GRIK4: variants seen among roughly 807,000 people sequenced by gnomAD.
GRIK4 encodes the protein glutamate receptor ionotropic, kainate 4.
Under a neutral mutation model 104.9 loss-of-function variants are expected in GRIK4, and 40 were observed. That is an observed-to-expected ratio of 0.38 (90% confidence interval 0.30 to 0.50). The LOEUF is 0.50. Among genes scored for constraint, GRIK4 ranks in the 20% least tolerant of loss-of-function variants. The pLI, the probability that GRIK4 is intolerant of heterozygous loss-of-function variation, is 0.93. For missense variants in GRIK4, 1,047 were observed against 1,308.1 expected, an observed-to-expected ratio of 0.80 and a Z score of 3.08; for synonymous variants, 485 against 524.9, an observed-to-expected ratio of 0.92 and a Z score of 1.04.
In GRIK4 at chr11:120,960,991, A is replaced by G. The variant is rs1444534121; in HGVS notation, c.1957A>G (p.Ile653Val). Residue 653 changes from isoleucine to valine, a missense_variant, in exon 17 of 21, where the codon ATT becomes GTT. Physicochemically the swap from Ile to Val is conservative, Grantham distance 29. Coordinates refer to ENST00000527524, the MANE Select transcript of GRIK4 (RefSeq NM_014619.5). ...GACCGTGCAGCGCATGGATGTGCCCATTGAGTCAGTGGATGACCTGGCTGA... is the reference window on the plus strand; with the variant it reads ...GACCGTGCAGCGCATGGATGTGCCCGTTGAGTCAGTGGATGACCTGGCTGA... ...FLTVQRMDVP[I>V]ESVDDLADQT... 3 of 1,614,144 alleles carry G rather than the reference A, an allele frequency of 1.9e-6. No individual in the cohort carries two copies. The highest frequency in any genetic ancestry group is 3.3e-5 in the Admixed American group (2 of 60,008).
intron 1 of GRIK4, among the ~76,000 whole-genome samples, chr11:120,599,486 A>G (rs1948851894): frequency 1.3e-5 from 2 of 152,166 alleles, no homozygotes; most frequent in Admixed American, 1.3e-4. Flanking sequence ...TATCTGGGAG[A>G]TGAAGACCAG....
At chr11:120,659,075 A>G (rs1949768794) in intron 2 of GRIK4, among the ~76,000 whole-genome samples, 1 of 152,034 alleles carries the variant, frequency 6.6e-6, no homozygotes, top group Admixed American at 6.5e-5. Context: ...CTCCCAATCC[A>G]GGCACCTGGG....
intron 1 of GRIK4, among the ~76,000 whole-genome samples, chr11:120,529,443 T>TA (rs1289064261): frequency 6.6e-6 from 1 of 152,216 alleles, no homozygotes; most frequent in African/African-American, 2.4e-5. Context: ...CCCTAGCAGT[T>TA]ACTACAGGGA....
intron 14 of GRIK4, among the ~76,000 whole-genome samples, chr11:120,941,234 T>C (rs959527340): frequency 3.3e-5 from 5 of 152,216 alleles, no homozygotes; most frequent in African/African-American, 1.2e-4. Flanking sequence ...CAGAGCGTCA[T>C]ACAGATTTGC....
chr11:120,689,551 G>A (rs559214214), intron 3 of GRIK4, among the ~76,000 whole-genome samples: 5 of 151,620 alleles, frequency 3.3e-5, no homozygotes, highest in South Asian at 2.1e-4. Context: ...TATTCCTGTA[G>A]ACAACCAGCA....
At chr11:120,538,143 C>T (rs761369397) in intron 1 of GRIK4, among the ~76,000 whole-genome samples, 1 of 152,262 alleles carries the variant, frequency 6.6e-6, no homozygotes, top group African/African-American at 2.4e-5. Flanking sequence ...GCCTGACCTG[C>T]TCACGGCCTC....
chr11:120,618,992 C>T (rs905582742), intron 1 of GRIK4, among the ~76,000 whole-genome samples: 3 of 152,186 alleles, frequency 2.0e-5, no homozygotes, highest in Non-Finnish European at 2.9e-5. Flanking sequence ...TCACCATCCT[C>T]CACACCCCAG....
At chr11:120,678,865 C>T (rs566860144) in intron 3 of GRIK4, among the ~76,000 whole-genome samples, 28 of 151,920 alleles carry the variant, frequency 1.8e-4, no homozygotes, top group Non-Finnish European at 3.2e-4. Context: ...GAACTCCCGA[C>T]CTTGTGATCC....
chr11:120,531,732 T>C (rs1221791577), intron 1 of GRIK4, among the ~76,000 whole-genome samples: 2 of 152,102 alleles, frequency 1.3e-5, no homozygotes, highest in Non-Finnish European at 2.9e-5. Flanking sequence ...CATGTCACCA[T>C]GCCCAGCTAA....
chr11:120,684,108 T>C (rs1429333564), intron 3 of GRIK4, among the ~76,000 whole-genome samples: 1 of 152,170 alleles, frequency 6.6e-6, no homozygotes, highest in Non-Finnish European at 1.5e-5. Flanking sequence ...GAGGATTGCT[T>C]GAGGCCAGGA....
chr11:120,727,748 A>C (rs1951057344), intron 3 of GRIK4, among the ~76,000 whole-genome samples: 1 of 152,156 alleles, frequency 6.6e-6, no homozygotes, highest in Non-Finnish European at 1.5e-5. Context: ...TTCAAGAAAG[A>C]ATTAGAAATA....
intron 1 of GRIK4, among the ~76,000 whole-genome samples, chr11:120,627,029 C>G (rs923620113): frequency 6.6e-5 from 10 of 152,194 alleles, no homozygotes; most frequent in Admixed American, 6.5e-4. Context: ...TGGGCAGAGG[C>G]CACGTAGCAG....
At chr11:120,566,897 T>G (rs548098463) in intron 1 of GRIK4, among the ~76,000 whole-genome samples, 2 of 151,232 alleles carry the variant, frequency 1.3e-5, no homozygotes, top group African/African-American at 4.9e-5. Context: ...TTAGTGGAGA[T>G]GGGGTCTCAC....
chr11:120,691,216 G>A (rs567554749), intron 3 of GRIK4, among the ~76,000 whole-genome samples: 2 of 152,120 alleles, frequency 1.3e-5, no homozygotes, highest in African/African-American at 4.8e-5. Context: ...GCCTTTTCTG[G>A]GAATGGTCTT....
chr11:120,929,023 ATGTG>A (rs71050760), intron 13 of GRIK4, among the ~76,000 whole-genome samples: 7 of 89,504 alleles, frequency 7.8e-5, no homozygotes, highest in African/African-American at 2.7e-4. Flanking sequence ...GTGTGCGCAC[ATGTG>A]TGTGTGTGTG....
intron 6 of GRIK4, 60 bp from the exon 7 acceptor site, chr11:120,831,792 C>A: frequency 7.3e-7 from 1 of 1,373,062 alleles, no homozygotes; most frequent in South Asian, 1.2e-5. Context: ...TGCTTCTGCC[C>A]AGGTGTCTCT....
At chr11:120,648,217 C>T (rs1002626079) in intron 1 of GRIK4, among the ~76,000 whole-genome samples, 15 of 152,186 alleles carry the variant, frequency 9.9e-5, no homozygotes, top group Admixed American at 7.2e-4. Context: ...GGAGACTAGC[C>T]TGACTTTGCC....
chr11:120,720,584 G>C (rs1051760263), intron 3 of GRIK4, among the ~76,000 whole-genome samples: 1 of 152,176 alleles, frequency 6.6e-6, no homozygotes, highest in Non-Finnish European at 1.5e-5. Flanking sequence ...TAAGCTTTCA[G>C]ATGGGAGCTC....
intron 11 of GRIK4, among the ~76,000 whole-genome samples, chr11:120,881,116 C>T (rs1485353163): frequency 6.6e-6 from 1 of 152,228 alleles, no homozygotes; most frequent in Non-Finnish European, 1.5e-5. Flanking sequence ...TATTAAAACA[C>T]AAGGCCCAGA....
Sources: allele counts gnomAD v4.1 joint callset (sites outside exome capture counted in the v4.1 genomes callset), GRCh38; gene constraint gnomAD v4.1.1; transcripts MANE v1.5; gene names NCBI Gene and HGNC (gene_info 2026-07-23, HGNC 2026-07-21).